Variants in SORCS1 observed in about 807,000 individuals in gnomAD.
SORCS1 encodes the protein sortilin related VPS10 domain containing receptor 1.
A neutral mutation model predicts 146.1 loss-of-function variants in SORCS1; 60 were observed. The ratio of observed to expected loss-of-function variants is 0.41; its 90% CI spans 0.33 to 0.51. SORCS1 has a LOEUF of 0.51. Ranked by LOEUF, SORCS1 falls within the 20% of genes least tolerant of loss-of-function variation. The probability of loss-of-function intolerance (pLI) is 0.21; values close to 1 mark genes in which losing one functional copy is unlikely to be tolerated. For synonymous variants in SORCS1, 637 were observed against 584.0 expected (o/e 1.09, Z -1.31); for missense variants, 1,352 against 1,487.6 (o/e 0.91, Z 1.50).
chr10:106,885,970 C>A (rs1021743436), intron 2 of SORCS1, among the ~76,000 whole-genome samples: 1 of 152,108 alleles, frequency 6.6e-6, no homozygotes, highest in Non-Finnish European at 1.5e-5. Context: ...GTCCATTAAA[C>A]CTCTTTCTTG....
chr10:106,972,819 CA>C (rs1277569055), intron 1 of SORCS1, among the ~76,000 whole-genome samples: 1 of 152,214 alleles, frequency 6.6e-6, no homozygotes, highest in African/African-American at 2.4e-5. Flanking sequence ...CTAGGTGCTT[CA>C]CACACAGTAT....
chr10:106,683,069 C>A (rs1484571512), intron 10 of SORCS1, among the ~76,000 whole-genome samples: 1 of 152,120 alleles, frequency 6.6e-6, no homozygotes. Context: ...AATGAAAGAC[C>A]AAGAAAAAGT....
chr10:107,116,426 G>A (rs1400909158), intron 1 of SORCS1, among the ~76,000 whole-genome samples: 1 of 151,982 alleles, frequency 6.6e-6, no homozygotes, highest in Non-Finnish European at 1.5e-5. Context: ...CATATATAAT[G>A]TATTATACAT....
At chr10:107,128,772 G>A (rs902707790) in intron 1 of SORCS1, among the ~76,000 whole-genome samples, 2 of 152,102 alleles carry the variant, frequency 1.3e-5, no homozygotes, top group African/African-American at 2.4e-5. Context: ...ATGCTGATGC[G>A]TGATGTTGAT....
chr10:106,939,865 G>A (rs1242891714), intron 2 of SORCS1, among the ~76,000 whole-genome samples: 1 of 152,158 alleles, frequency 6.6e-6, no homozygotes, highest in Admixed American at 6.5e-5. Flanking sequence ...ACGATATAAT[G>A]CCTGTTGAGC....
intron 1 of SORCS1, among the ~76,000 whole-genome samples, chr10:107,124,009 C>A (rs904683822): frequency 6.6e-6 from 1 of 151,184 alleles, no homozygotes; most frequent in South Asian, 2.1e-4. Flanking sequence ...ATGGCATGAA[C>A]CTGGGAGGCG....
At chr10:106,849,656 G>A (rs1949461815) in intron 2 of SORCS1, among the ~76,000 whole-genome samples, 1 of 151,164 alleles carries the variant, frequency 6.6e-6, no homozygotes, top group Admixed American at 6.6e-5. Context: ...GAGGAGGATA[G>A]GCGCTCTGCG....
chr10:106,822,782 G>GTTTTTTTTTTTT lies in SORCS1; in HGVS notation c.726+6780_726+6791dup, dbSNP rs1158921880. Among the ~76,000 whole-genome samples the GTTTTTTTTTTTT allele has an allele frequency of 4.8e-3, 539 of 113,052 alleles. 15 individuals carry two copies. The highest frequency in any genetic ancestry group is 0.011 in the African/African-American group (283 of 26,258). 74.2% of individuals were successfully genotyped at this position (113,052 alleles called of 152,430 possible). A position where few individuals can be genotyped will look rare whatever the true frequency, so the allele number is the denominator to read the frequency against. On this transcript the variant is annotated intron_variant, in intron 3 of 25. Transcript: ENST00000263054. ...CACTATGTCTCTGAATTCATGTGTG[G>GTTTTTTTTTTTT]TTTTTTTTTTTTTTTTTTTTGAATA...
At chr10:107,146,236 T>C (rs1237842336) in intron 1 of SORCS1, among the ~76,000 whole-genome samples, 1 of 152,204 alleles carries the variant, frequency 6.6e-6, no homozygotes, top group African/African-American at 2.4e-5. Flanking sequence ...CCAATGTCCA[T>C]GATAAGGAGA....
intron 3 of SORCS1, among the ~76,000 whole-genome samples, chr10:106,789,140 C>T (rs973287290): frequency 3.3e-5 from 5 of 152,160 alleles, no homozygotes; most frequent in Admixed American, 1.3e-4. Flanking sequence ...CGACAGAGGG[C>T]ACCAAGTCCC....
At chr10:106,606,068 G>C (rs1344782589) in intron 23 of SORCS1, among the ~76,000 whole-genome samples, 1 of 152,142 alleles carries the variant, frequency 6.6e-6, no homozygotes, top group Admixed American at 6.5e-5. Context: ...TGGAAGAACT[G>C]ATAAATCAAA....
chr10:106,737,036 A>AGTGTGTGT (rs1301020744), intron 5 of SORCS1, among the ~76,000 whole-genome samples: 26 of 146,400 alleles, frequency 1.8e-4, no homozygotes, highest in African/African-American at 5.0e-4. Flanking sequence ...TCTGCAGCAA[A>AGTGTGTGT]GTGTGTGTGT....
chr10:106,643,004 C>G (rs1417860048), intron 18 of SORCS1, among the ~76,000 whole-genome samples: 1 of 152,162 alleles, frequency 6.6e-6, no homozygotes, highest in East Asian at 1.9e-4. Flanking sequence ...CTTATAATCC[C>G]AGCCGTGGGT....
intron 3 of SORCS1, among the ~76,000 whole-genome samples, chr10:106,781,091 T>C (rs188004303): frequency 6.6e-6 from 1 of 152,220 alleles, no homozygotes; most frequent in Admixed American, 6.5e-5. Flanking sequence ...AGGAAGTAAT[T>C]CTACAAAAGG....
chr10:107,031,340 G>A (rs1346078165), intron 1 of SORCS1, among the ~76,000 whole-genome samples: 1 of 151,506 alleles, frequency 6.6e-6, no homozygotes, highest in Non-Finnish European at 1.5e-5. Context: ...CATTTCTAAT[G>A]CATTTTTTTC....
At chr10:106,996,238 A>AC (rs1956995300) in intron 1 of SORCS1, among the ~76,000 whole-genome samples, 2 of 52,182 alleles carry the variant, frequency 3.8e-5, no homozygotes, top group Middle Eastern at 0.014. Context: ...AAAAAAAAAA[A>AC]AAAAAAAAAA....
chr10:107,112,029 T>C (rs1424532689), intron 1 of SORCS1, among the ~76,000 whole-genome samples: 1 of 152,156 alleles, frequency 6.6e-6, no homozygotes, highest in African/African-American at 2.4e-5. Flanking sequence ...TTCTGTTTCA[T>C]GTAACAACAT....
intron 1 of SORCS1, among the ~76,000 whole-genome samples, chr10:106,963,406 C>T (rs1955354731): frequency 6.6e-6 from 1 of 152,084 alleles, no homozygotes; most frequent in Non-Finnish European, 1.5e-5. Context: ...TGAGGCACCG[C>T]ACCCGGCCAG....
chr10:107,062,454 T>G (rs552922205), intron 1 of SORCS1, among the ~76,000 whole-genome samples: 26 of 151,956 alleles, frequency 1.7e-4, no homozygotes, highest in African/African-American at 6.3e-4. Context: ...ATAAACATAA[T>G]TATAATTAAG....
Sources: allele counts gnomAD v4.1 joint callset (sites outside exome capture counted in the v4.1 genomes callset), GRCh38; gene constraint gnomAD v4.1.1; transcripts MANE v1.5; gene names NCBI Gene and HGNC (gene_info 2026-07-23, HGNC 2026-07-21).